Variants in CSMD1 observed in about 807,000 individuals in gnomAD.
CSMD1 encodes CUB and Sushi multiple domains 1.
Under a neutral mutation model 417.5 loss-of-function variants are expected in CSMD1, and 213 were observed. The observed-to-expected ratio is 0.51, with a 90% CI of 0.46 to 0.57. The LOEUF (loss-of-function observed/expected upper bound fraction) is 0.57, where lower values mean the gene tolerates loss of function less well. CSMD1 is among the 20% of genes least tolerant of loss of function. CSMD1 has a pLI of 0.00. For missense variants in CSMD1, 6,923 were observed against 4,529.7 expected, an observed-to-expected ratio of 1.53 and a Z score of -15.17; for synonymous variants, 2,862 against 1,736.8, an observed-to-expected ratio of 1.65 and a Z score of -16.11.
chr8:4,463,936 C>G (rs532311673), intron 2 of CSMD1, among the ~76,000 whole-genome samples: 18 of 152,156 alleles, frequency 1.2e-4, no homozygotes, highest in Admixed American at 9.8e-4. Context: ...AGCAGCAGCT[C>G]AGGACTAGAG....
intron 2 of CSMD1, among the ~76,000 whole-genome samples, chr8:4,581,617 G>C (rs372882779): frequency 6.6e-6 from 1 of 152,176 alleles, no homozygotes; most frequent in Admixed American, 6.5e-5. Flanking sequence ...TTTAGGAATT[G>C]ATTCCTCAGT....
chr8:3,348,180 G>C lies in CSMD1; in HGVS notation c.3305-19C>G, dbSNP rs761266401. 3 of 1,593,014 alleles carry C rather than the reference G, an allele frequency of 1.9e-6. No individual in the cohort carries two copies. The highest frequency in any genetic ancestry group is 2.7e-5 in the African/African-American group (2 of 73,880). Reference sequence around the variant, plus strand: ...CATTCGGCTACAATAAATAGGACATGAGAGAAAGAGGATTCAAAAGTGGAA... The same window carrying C: ...CATTCGGCTACAATAAATAGGACATCAGAGAAAGAGGATTCAAAAGTGGAA... On this transcript the variant is annotated intron_variant, in intron 21 of 69. Coordinates refer to ENST00000635120, the MANE Select transcript of CSMD1 (RefSeq NM_033225.6).
chr8:4,963,480 G>A (rs1009259175), intron 1 of CSMD1, among the ~76,000 whole-genome samples: 11 of 152,252 alleles, frequency 7.2e-5, no homozygotes, highest in Admixed American at 1.3e-4. Flanking sequence ...GATTACAGGG[G>A]TGAGACACCA....
At chr8:4,908,255 A>C (rs936175512) in intron 1 of CSMD1, among the ~76,000 whole-genome samples, 8 of 152,166 alleles carry the variant, frequency 5.3e-5, no homozygotes, top group Admixed American at 3.9e-4. Flanking sequence ...CTGTAGGGTA[A>C]AGTATTCCTT....
intron 2 of CSMD1, among the ~76,000 whole-genome samples, chr8:4,580,187 G>T (rs1799345339): frequency 6.6e-6 from 1 of 152,140 alleles, no homozygotes; most frequent in Non-Finnish European, 1.5e-5. Flanking sequence ...AAACTTCATG[G>T]AATCTAGCCT....
intron 1 of CSMD1, among the ~76,000 whole-genome samples, chr8:4,773,515 C>G (rs1400014107): frequency 1.3e-5 from 2 of 152,272 alleles, no homozygotes; most frequent in East Asian, 1.9e-4. Context: ...ATTGCTTCCT[C>G]AACCAGTTTT....
At chr8:4,762,328 T>A (rs1450923308) in intron 1 of CSMD1, among the ~76,000 whole-genome samples, 1 of 152,128 alleles carries the variant, frequency 6.6e-6, no homozygotes, top group Non-Finnish European at 1.5e-5. Flanking sequence ...TAACATTTAA[T>A]AAGTTTATAT....
chr8:4,077,511 T>G (rs931270203), intron 3 of CSMD1, among the ~76,000 whole-genome samples: 1 of 151,964 alleles, frequency 6.6e-6, no homozygotes, highest in African/African-American at 2.4e-5. Flanking sequence ...ATTGTTTAAC[T>G]TTTTTACCAT....
At chr8:4,680,353 C>T (rs534504608) in intron 1 of CSMD1, among the ~76,000 whole-genome samples, 4 of 152,114 alleles carry the variant, frequency 2.6e-5, no homozygotes, top group Non-Finnish European at 4.4e-5. Flanking sequence ...AATTCAACCT[C>T]GTATCTTTCC....
At chr8:4,327,974 G>C (rs375140997) in intron 3 of CSMD1, among the ~76,000 whole-genome samples, 22 of 152,162 alleles carry the variant, frequency 1.4e-4, no homozygotes, top group African/African-American at 3.9e-4. Flanking sequence ...TGAAATTCTT[G>C]TTTTAACATT....
chr8:3,609,762 T>A (rs1365634535), intron 8 of CSMD1, among the ~76,000 whole-genome samples: 1 of 150,666 alleles, frequency 6.6e-6, no homozygotes, highest in Non-Finnish European at 1.5e-5. Flanking sequence ...CCGAATTACC[T>A]TTCATTAAAG....
intron 3 of CSMD1, among the ~76,000 whole-genome samples, chr8:4,245,295 A>AAC (rs770315133): frequency 3.3e-5 from 5 of 152,192 alleles, no homozygotes; most frequent in Non-Finnish European, 7.3e-5. Context: ...TAACACAACA[A>AAC]ACACTGCATA....
intron 3 of CSMD1, among the ~76,000 whole-genome samples, chr8:4,288,777 G>T (rs1015710483): frequency 3.3e-5 from 5 of 152,146 alleles, no homozygotes; most frequent in African/African-American, 1.2e-4. Flanking sequence ...TCTGATACCT[G>T]TCAGGTCTAC....
At chr8:4,373,483 G>A (rs575883132) in intron 3 of CSMD1, among the ~76,000 whole-genome samples, 9 of 152,254 alleles carry the variant, frequency 5.9e-5, no homozygotes, top group Admixed American at 3.9e-4. Flanking sequence ...ATCTAAAACT[G>A]TCCTAAAAAA....
At chr8:4,155,304 C>G (rs1460450985) in intron 3 of CSMD1, among the ~76,000 whole-genome samples, 1 of 152,134 alleles carries the variant, frequency 6.6e-6, no homozygotes, top group African/African-American at 2.4e-5. Flanking sequence ...GCAAGATCAG[C>G]GTTTGGGTCT....
intron 10 of CSMD1, among the ~76,000 whole-genome samples, chr8:3,544,479 G>A (rs1798573513): frequency 6.6e-6 from 1 of 151,942 alleles, no homozygotes; most frequent in Middle Eastern, 3.2e-3. Flanking sequence ...GGAGTAGCTT[G>A]CTCTTTCCCA....
At chr8:4,724,786 C>T (rs550115401) in intron 1 of CSMD1, among the ~76,000 whole-genome samples, 6 of 152,000 alleles carry the variant, frequency 3.9e-5, no homozygotes, top group African/African-American at 1.2e-4. Context: ...TACAGCATAG[C>T]CTTGTAGTAT....
At chr8:4,448,399 C>A (rs1020568346) in intron 2 of CSMD1, among the ~76,000 whole-genome samples, 1 of 152,170 alleles carries the variant, frequency 6.6e-6, no homozygotes, top group Admixed American at 6.5e-5. Context: ...CTCCTACTTT[C>A]AGTAACCCTG....
At chr8:4,489,636 C>T (rs954259999) in intron 2 of CSMD1, among the ~76,000 whole-genome samples, 2 of 152,148 alleles carry the variant, frequency 1.3e-5, no homozygotes, top group African/African-American at 4.8e-5. Context: ...TGCTTCTGGT[C>T]AACAAGGAGC....
Sources: allele counts gnomAD v4.1 joint callset (sites outside exome capture counted in the v4.1 genomes callset), GRCh38; gene constraint gnomAD v4.1.1; transcripts MANE v1.5; gene names NCBI Gene and HGNC (gene_info 2026-07-23, HGNC 2026-07-21).